The following SEZ6L variants were observed in gnomAD, a reference collection of about 807,000 sequenced individuals.
SEZ6L encodes seizure 6-like protein.
In SEZ6L, 37 loss-of-function variants were observed where a neutral mutation model predicts 106.2. The observed-to-expected ratio is 0.35, with a 90% CI of 0.27 to 0.46. The LOEUF (loss-of-function observed/expected upper bound fraction) is 0.46. Among genes scored for constraint, SEZ6L ranks in the 20% least tolerant of loss-of-function variants. The pLI, the probability that SEZ6L is intolerant of heterozygous loss-of-function variation, is 1.00. For missense variants in SEZ6L, 1,172 were observed against 1,332.8 expected, an observed-to-expected ratio of 0.88 and a Z score of 1.88; for synonymous variants, 541 against 570.4, an observed-to-expected ratio of 0.95 and a Z score of 0.73.
chr22:26,331,467 T>C (rs1202353147), intron 9 of SEZ6L, among the ~76,000 whole-genome samples: 2 of 152,314 alleles, frequency 1.3e-5, no homozygotes, highest in East Asian at 3.9e-4. Flanking sequence ...AATTACTTTC[T>C]TATGTATCTT....
chr22:26,377,730 G>C lies in SEZ6L; in HGVS notation c.3000G>C (p.Gln1000His). ...TGATGTACTCCCACCCCTACAGCCA[G>C]ATCACCGTGGAAACCGAGTTTGACA... Reference protein sequence around the residue: ...LPLMYSHPYSQITVETEFDNP... With the variant: ...LPLMYSHPYSHITVETEFDNP... Residue 1000 changes from glutamine (Q) to histidine (H), a missense_variant, in exon 16 of 17, where the codon CAG becomes CAC. This residue lies in a region of SEZ6L where 141 missense variants were observed against 176.0 expected (regional missense o/e 0.80). Transcript: ENST00000248933. The C allele has an allele frequency of 6.2e-7, 1 of 1,614,024 alleles. No individual in the cohort carries two copies. Among genetic ancestry groups the C allele is most frequent in the East Asian group, 2.2e-5 (1 of 44,874 alleles).
chr22:26,172,346 C>T (rs558732360), intron 1 of SEZ6L, among the ~76,000 whole-genome samples: 4 of 152,300 alleles, frequency 2.6e-5, no homozygotes, highest in Non-Finnish European at 5.9e-5. Context: ...CGTATCTAAG[C>T]TTGAGGGATT....
chr22:26,180,014 G>A lies in SEZ6L; in HGVS notation c.94+10251G>A, dbSNP rs547700538. Among the ~76,000 whole-genome samples the A allele has an allele frequency of 4.6e-5, 7 of 152,288 alleles. No homozygotes were observed. The East Asian group carries it at 7.7e-4, about 17-fold the overall frequency. ...CAGTAGCTATGTGTGGCTCATGGCC[G>A]CCATATTGGACAGCATGGAGAGAGC... On this transcript the variant is annotated intron_variant, in intron 1 of 16. Transcript: ENST00000248933.
At chr22:26,325,814 C>G (rs62225710) in intron 9 of SEZ6L, among the ~76,000 whole-genome samples, 1 of 152,006 alleles carries the variant, frequency 6.6e-6, no homozygotes, top group African/African-American at 2.4e-5. Flanking sequence ...TTGGCAAGGG[C>G]TTAGTACATT....
intron 1 of SEZ6L, among the ~76,000 whole-genome samples, chr22:26,216,988 G>T (rs2145715337): frequency 6.6e-6 from 1 of 152,260 alleles, no homozygotes. Context: ...TAACCACTGG[G>T]CTCTCCTGCA....
intron 9 of SEZ6L, among the ~76,000 whole-genome samples, chr22:26,318,788 A>G (rs1425015744): frequency 6.6e-6 from 1 of 152,038 alleles, no homozygotes; most frequent in East Asian, 1.9e-4. Flanking sequence ...TTATTTATCT[A>G]TTTATCTATT....
intron 8 of SEZ6L, 62 bp from the exon 9 acceptor site, chr22:26,313,702 G>C: frequency 6.3e-7 from 1 of 1,575,754 alleles, no homozygotes; most frequent in Non-Finnish European, 8.7e-7. Context: ...ATGGTTAGCC[G>C]CTATGCCACA....
intron 2 of SEZ6L, among the ~76,000 whole-genome samples, chr22:26,293,370 G>A (rs780353518): frequency 2.6e-4 from 39 of 152,148 alleles, no homozygotes; most frequent in Admixed American, 2.4e-3. Flanking sequence ...TTGATCTTTC[G>A]CCCAGGCTGG....
intron 9 of SEZ6L, among the ~76,000 whole-genome samples, chr22:26,339,005 C>G (rs1011261342): frequency 4.0e-5 from 6 of 151,540 alleles, no homozygotes; most frequent in Non-Finnish European, 8.8e-5. Flanking sequence ...CACCTGGACT[C>G]CCTACTCTGT....
intron 1 of SEZ6L, among the ~76,000 whole-genome samples, chr22:26,200,158 T>G (rs2145676097): frequency 6.6e-6 from 1 of 152,312 alleles, no homozygotes; most frequent in Middle Eastern, 3.4e-3. Context: ...TTCCTCCTTC[T>G]AATGTATATA....
intron 12 of SEZ6L, among the ~76,000 whole-genome samples, chr22:26,356,068 C>A (rs1285326657): frequency 6.6e-6 from 1 of 152,210 alleles, no homozygotes; most frequent in African/African-American, 2.4e-5. Context: ...CTCACTCAGT[C>A]ATTCAGCTTA....
intron 1 of SEZ6L, among the ~76,000 whole-genome samples, chr22:26,287,734 C>A (rs2080983045): frequency 6.6e-6 from 1 of 152,188 alleles, no homozygotes; most frequent in Admixed American, 6.5e-5. Flanking sequence ...TGGCCAACAT[C>A]CTGGCTAAGA....
At chr22:26,326,981 G>T (rs1194036644) in intron 9 of SEZ6L, among the ~76,000 whole-genome samples, 1 of 152,194 alleles carries the variant, frequency 6.6e-6, no homozygotes, top group East Asian at 1.9e-4. Context: ...GCCCCTGTGT[G>T]GAGTTTCCTG....
At chr22:26,214,322 GAGGATTAAAGAAGT>G (rs2078239638) in intron 1 of SEZ6L, among the ~76,000 whole-genome samples, 1 of 152,198 alleles carries the variant, frequency 6.6e-6, no homozygotes, top group African/African-American at 2.4e-5. Flanking sequence ...GAGCTGTCCT[GAGGATTAAAGAAGT>G]AGATGCATGT....
At chr22:26,330,531 G>A (rs978874945) in intron 9 of SEZ6L, among the ~76,000 whole-genome samples, 6 of 152,190 alleles carry the variant, frequency 3.9e-5, no homozygotes, top group African/African-American at 1.4e-4. Flanking sequence ...AGACTAGCAT[G>A]AGCTAAGGCA....
chr22:26,186,676 G>A (rs938205286), intron 1 of SEZ6L, among the ~76,000 whole-genome samples: 2 of 152,188 alleles, frequency 1.3e-5, no homozygotes, highest in Non-Finnish European at 2.9e-5. Flanking sequence ...CCAGAGCATA[G>A]GGTTCTTGCT....
intron 4 of SEZ6L, among the ~76,000 whole-genome samples, chr22:26,297,422 T>C (rs1601420427): frequency 6.6e-6 from 1 of 152,236 alleles, no homozygotes; most frequent in East Asian, 1.9e-4. Flanking sequence ...ATATCCATTA[T>C]GATATGAAAA....
rs370077430 is a variant in SEZ6L at position 26,310,849 on chromosome 22, G to A, written c.1681+13G>A. 6.2e-6 allele frequency: 10 copies of A among 1,612,502 alleles called. No individual in the cohort carries two copies. In the African/African-American group the frequency reaches 1.3e-4, roughly 22 times the overall value. ...ATCCGATTTGAAGGTGAGGGTCCCT[G>A]GGAGCTTCCCTTTCTCTTGTGGGGC... is the stretch of plus-strand genomic sequence containing the variant. On this transcript the variant is annotated intron_variant, in intron 7 of 16. Transcript: ENST00000248933.
intron 1 of SEZ6L, among the ~76,000 whole-genome samples, chr22:26,274,788 G>T (rs959477771): frequency 6.6e-6 from 1 of 152,192 alleles, no homozygotes; most frequent in Non-Finnish European, 1.5e-5. Context: ...TGGTGTTGTG[G>T]CGACACCCAC....
Sources: allele counts gnomAD v4.1 joint callset (sites outside exome capture counted in the v4.1 genomes callset), GRCh38; gene constraint gnomAD v4.1.1; regional missense constraint gnomAD v4.1.1; transcripts MANE v1.5; gene names NCBI Gene and HGNC (gene_info 2026-07-23, HGNC 2026-07-21).